The following PARD3B variants were observed in gnomAD, a reference collection of about 807,000 sequenced individuals.
The protein encoded by PARD3B is par-3 family cell polarity regulator beta, also known as partitioning defective 3 homolog B.
In PARD3B, 103 loss-of-function variants were observed where a neutral mutation model predicts 130.2. The ratio of observed to expected loss-of-function variants is 0.79; its 90% confidence interval spans 0.67 to 0.93. PARD3B has a LOEUF of 0.93. Ranked by LOEUF, PARD3B falls within the 40% of genes least tolerant of loss-of-function variation. The pLI, the probability that PARD3B is intolerant of heterozygous loss-of-function variation, is 0.00. For missense variants in PARD3B, 1,609 were observed against 1,499.2 expected, an observed-to-expected ratio of 1.07 and a Z score of -1.21; for synonymous variants, 583 against 553.2, an observed-to-expected ratio of 1.05 and a Z score of -0.76.
At chr2:205,016,605 T>C (rs1213674498) in intron 3 of PARD3B, among the ~76,000 whole-genome samples, 7 of 152,190 alleles carry the variant, frequency 4.6e-5, no homozygotes, top group African/African-American at 1.4e-4. Flanking sequence ...CTGATTCCCA[T>C]GGAAACGAGG....
At chr2:204,977,222 T>C (rs569065376) in intron 3 of PARD3B, among the ~76,000 whole-genome samples, 2 of 152,346 alleles carry the variant, frequency 1.3e-5, no homozygotes, top group South Asian at 4.1e-4. Flanking sequence ...TGATCTTTTT[T>C]ATCTTCAACT....
chr2:205,594,518 A>G (rs527378051), intron 22 of PARD3B, among the ~76,000 whole-genome samples: 13 of 152,280 alleles, frequency 8.5e-5, no homozygotes, highest in Non-Finnish European at 1.5e-4. Flanking sequence ...CCAAATAGCT[A>G]TAGGGGCACA....
At chr2:204,905,523 T>C (rs369858734) in intron 2 of PARD3B, among the ~76,000 whole-genome samples, 9 of 152,202 alleles carry the variant, frequency 5.9e-5, no homozygotes, top group African/African-American at 1.9e-4. Context: ...ATAAATATAC[T>C]CTGGATCACT....
chr2:204,830,249 C>T (rs1049685755), intron 2 of PARD3B, among the ~76,000 whole-genome samples: 8 of 152,084 alleles, frequency 5.3e-5, no homozygotes, highest in Non-Finnish European at 1.2e-4. Flanking sequence ...CATAGGATAA[C>T]TGGATTTACC....
chr2:204,981,843 A>G (rs1692691867), intron 3 of PARD3B, among the ~76,000 whole-genome samples: 1 of 152,164 alleles, frequency 6.6e-6, no homozygotes, highest in African/African-American at 2.4e-5. Context: ...GAAAACTGGA[A>G]GGGAGTTGGG....
At chr2:204,884,551 C>A (rs747937103) in intron 2 of PARD3B, among the ~76,000 whole-genome samples, 2 of 152,038 alleles carry the variant, frequency 1.3e-5, no homozygotes, top group African/African-American at 2.4e-5. Context: ...ACAGATCAAC[C>A]CATCACCCAG....
intron 2 of PARD3B, among the ~76,000 whole-genome samples, chr2:204,909,432 T>A (rs1309566735): frequency 2.0e-5 from 3 of 152,180 alleles, no homozygotes; most frequent in African/African-American, 7.2e-5. Flanking sequence ...TTACTATTCA[T>A]CCTTGTCAAA....
intron 18 of PARD3B, among the ~76,000 whole-genome samples, chr2:205,322,363 T>C (rs1272947280): frequency 6.6e-6 from 1 of 152,140 alleles, no homozygotes; most frequent in African/African-American, 2.4e-5. Flanking sequence ...GTCAAAGTCT[T>C]GTGTCTTGGG....
chr2:205,118,391 T>C (rs11890361), intron 6 of PARD3B, among the ~76,000 whole-genome samples: 26,093 of 152,228 alleles, frequency 0.17, 2,462 homozygotes, highest in Middle Eastern at 0.28. Context: ...CAACACATAC[T>C]TGATTTGGTA....
intron 2 of PARD3B, among the ~76,000 whole-genome samples, chr2:204,737,714 T>C (rs761576153): frequency 6.6e-6 from 1 of 152,212 alleles, no homozygotes; most frequent in Non-Finnish European, 1.5e-5. Context: ...TCAGATCTTA[T>C]ATTTAAGTCT....
rs1490612816 is a variant in PARD3B at position 204,943,150 on chromosome 2, GTGTA to G, written c.223-21998_223-21995del. On this transcript the variant is annotated intron_variant, in intron 2 of 22. Transcript: ENST00000406610. The surrounding 1 kb of genome is among the most constrained non-coding windows in gnomAD (Gnocchi z 4.2). ...AAGAAGTTTTTCACATTCTTAATGTGTGTATGTGTGTGTGTGTATGTGTATGCAT... is the reference window on the plus strand; with the variant it reads ...AAGAAGTTTTTCACATTCTTAATGTGTGTGTGTGTGTGTATGTGTATGCAT... 2.7e-5 allele frequency among the ~76,000 whole-genome samples: 4 copies of G among 147,076 alleles called. No homozygotes were observed. In the East Asian group the frequency reaches 7.7e-4, roughly 28 times the overall value.
At chr2:205,000,352 A>G (rs1694730736) in intron 3 of PARD3B, among the ~76,000 whole-genome samples, 1 of 152,128 alleles carries the variant, frequency 6.6e-6, no homozygotes, top group Non-Finnish European at 1.5e-5. Flanking sequence ...TCTGTTGCTG[A>G]TATTTATTGA....
intron 2 of PARD3B, among the ~76,000 whole-genome samples, chr2:204,870,341 G>A (rs1050466663): frequency 2.6e-5 from 4 of 152,166 alleles, no homozygotes; most frequent in Non-Finnish European, 5.9e-5. Flanking sequence ...TTAAAAAAAT[G>A]ATGTTAATTA....
chr2:205,040,600 C>A (rs1698327985), intron 3 of PARD3B, among the ~76,000 whole-genome samples: 1 of 152,172 alleles, frequency 6.6e-6, no homozygotes, highest in Non-Finnish European at 1.5e-5. Flanking sequence ...CCTATACTGT[C>A]TTTCTATGCT....
chr2:204,710,018 G>A (rs61043122), intron 2 of PARD3B, among the ~76,000 whole-genome samples: 44,580 of 152,038 alleles, frequency 0.29, 8,616 homozygotes, highest in African/African-American at 0.55. Flanking sequence ...CAAAAACAGA[G>A]AAATATAAAA....
chr2:204,996,366 G>T (rs1389983217), intron 3 of PARD3B, among the ~76,000 whole-genome samples: 1 of 152,146 alleles, frequency 6.6e-6, no homozygotes, highest in East Asian at 1.9e-4. Context: ...TGCCCCTGCT[G>T]GGGGGTGCCT....
chr2:204,882,508 C>T lies in PARD3B; in HGVS notation c.223-82644C>T, dbSNP rs1017390736. 1.2e-4 allele frequency among the ~76,000 whole-genome samples: 18 copies of T among 152,256 alleles called. No individual in the cohort carries two copies. In the South Asian group the frequency reaches 2.5e-3, roughly 21 times the overall value. ...CAAAAGCTTTATTTGTATATTGCCT[C>T]TTTTATTTACCTCCCCTCCTTCATC... On this transcript the variant is annotated intron_variant, in intron 2 of 22. Transcript: ENST00000406610.
chr2:204,836,884 AT>A (rs1266796702), intron 2 of PARD3B, among the ~76,000 whole-genome samples: 2 of 152,150 alleles, frequency 1.3e-5, no homozygotes, highest in African/African-American at 4.8e-5. Context: ...TTCTACAGTG[AT>A]CATGTATTTT....
At chr2:205,586,398 A>G (rs2054197758) in intron 22 of PARD3B, among the ~76,000 whole-genome samples, 1 of 152,192 alleles carries the variant, frequency 6.6e-6, no homozygotes, top group Non-Finnish European at 1.5e-5. Context: ...GTGGAAGGCT[A>G]TTATTCCATT....
Sources: allele counts gnomAD v4.1 joint callset (sites outside exome capture counted in the v4.1 genomes callset), GRCh38; gene constraint gnomAD v4.1.1; non-coding constraint Gnocchi (gnomAD v3.1); transcripts MANE v1.5; gene names NCBI Gene and HGNC (gene_info 2026-07-23, HGNC 2026-07-21).